The following DLC1 variants were observed in gnomAD, a reference collection of about 807,000 sequenced individuals.
DLC1 encodes DLC1 Rho GTPase activating protein.
DLC1 carries 54 observed loss-of-function variants against 140.3 expected under a neutral mutation model. The ratio of observed to expected loss-of-function variants is 0.38; its 90% CI spans 0.31 to 0.48. The LOEUF (loss-of-function observed/expected upper bound fraction) is 0.48. Among genes scored for constraint, DLC1 ranks in the 20% least tolerant of loss-of-function variants. The pLI, the probability that DLC1 is intolerant of heterozygous loss-of-function variation, is 0.96. For missense variants in DLC1, 2,536 were observed against 1,907.0 expected (o/e 1.33, Z -6.14); for synonymous variants, 986 against 728.1 (o/e 1.35, Z -5.70).
chr8:13,556,707 G>A (rs1321731609), intron 1 of DLC1, among the ~76,000 whole-genome samples: 1 of 152,156 alleles, frequency 6.6e-6, no homozygotes, highest in Non-Finnish European at 1.5e-5. Context: ...AGACCTAGCT[G>A]GTCAATTGCT....
chr8:13,543,318 G>A (rs1373995823), intron 1 of DLC1, among the ~76,000 whole-genome samples: 1 of 152,072 alleles, frequency 6.6e-6, no homozygotes, highest in Non-Finnish European at 1.5e-5. Flanking sequence ...TATTTGTATT[G>A]TCAGTTTCCT....
intron 4 of DLC1, among the ~76,000 whole-genome samples, chr8:13,357,726 C>T (rs986971411): frequency 6.6e-6 from 1 of 152,190 alleles, no homozygotes; most frequent in Non-Finnish European, 1.5e-5. Flanking sequence ...TTGAGAATTA[C>T]AGTAGTTGAG....
intron 5 of DLC1, among the ~76,000 whole-genome samples, chr8:13,245,576 C>A (rs923329004): frequency 6.6e-6 from 1 of 152,192 alleles, no homozygotes; most frequent in African/African-American, 2.4e-5. Flanking sequence ...GCTACCTCCA[C>A]CTGAATCTTT....
chr8:13,289,486 C>T (rs1405483213), intron 5 of DLC1, among the ~76,000 whole-genome samples: 1 of 152,114 alleles, frequency 6.6e-6, no homozygotes, highest in Admixed American at 6.5e-5. Flanking sequence ...GTCACCATGC[C>T]CAGCTAATTG....
At chr8:13,467,365 T>TTCCCC (rs1419749718) in intron 2 of DLC1, among the ~76,000 whole-genome samples, 1 of 152,188 alleles carries the variant, frequency 6.6e-6, no homozygotes, top group Non-Finnish European at 1.5e-5. Context: ...TTTTCTCTTC[T>TTCCCC]TCCCCTCCCC....
At chr8:13,180,175 T>C (rs1825958269) in intron 5 of DLC1, among the ~76,000 whole-genome samples, 1 of 152,212 alleles carries the variant, frequency 6.6e-6, no homozygotes, top group Admixed American at 6.5e-5. Context: ...AGACTTACTG[T>C]CTTTAGTGCA....
chr8:13,395,852 C>CTTCTTCT (rs1554512048), intron 3 of DLC1, among the ~76,000 whole-genome samples: 1 of 146,676 alleles, frequency 6.8e-6, no homozygotes, highest in Non-Finnish European at 1.5e-5. Flanking sequence ...TCTTCTTCTT[C>CTTCTTCT]TTTGTTTTTT....
chr8:13,283,675 T>C (rs1831445309), intron 5 of DLC1, among the ~76,000 whole-genome samples: 1 of 152,124 alleles, frequency 6.6e-6, no homozygotes, highest in African/African-American at 2.4e-5. Context: ...CCACTATGCC[T>C]GGCTTATTTT....
At chr8:13,580,333 G>A (rs1450209462) in intron 1 of DLC1, among the ~76,000 whole-genome samples, 1 of 152,106 alleles carries the variant, frequency 6.6e-6, no homozygotes, top group Non-Finnish European at 1.5e-5. Flanking sequence ...GTGTTAGCCA[G>A]GATGGCCTCG....
chr8:13,128,057 A>C (rs960524703), intron 5 of DLC1, among the ~76,000 whole-genome samples: 20 of 151,938 alleles, frequency 1.3e-4, no homozygotes, highest in African/African-American at 2.2e-4. Flanking sequence ...AAAAAACCCC[A>C]AAAAAACAAC....
chr8:13,152,352 A>C (rs1009364123), intron 5 of DLC1, among the ~76,000 whole-genome samples: 4 of 152,190 alleles, frequency 2.6e-5, no homozygotes, highest in African/African-American at 9.7e-5. Flanking sequence ...TTTTGGATTA[A>C]ACTCTGTAAT....
chr8:13,262,652 C>T (rs1209558037), intron 5 of DLC1, among the ~76,000 whole-genome samples: 2 of 152,146 alleles, frequency 1.3e-5, no homozygotes, highest in Admixed American at 6.5e-5. Flanking sequence ...CCTTGAGCTC[C>T]TGGGCTCAAG....
chr8:13,460,829 G>A (rs548193621), intron 2 of DLC1, among the ~76,000 whole-genome samples: 16 of 152,326 alleles, frequency 1.1e-4, no homozygotes, highest in East Asian at 3.9e-4. Flanking sequence ...TGCTCTGTGC[G>A]TTGATTCTGG....
chr8:13,368,237 C>T (rs953091892), intron 4 of DLC1, among the ~76,000 whole-genome samples: 1 of 152,120 alleles, frequency 6.6e-6, no homozygotes, highest in Admixed American at 6.6e-5. Flanking sequence ...TGATAAAGGG[C>T]CCTCAGACAC....
intron 1 of DLC1, among the ~76,000 whole-genome samples, chr8:13,510,243 C>T (rs990596079): frequency 2.0e-5 from 3 of 148,012 alleles, no homozygotes; most frequent in African/African-American, 7.5e-5. Flanking sequence ...GGCACAATTT[C>T]GGCTCACTGC....
intron 1 of DLC1, among the ~76,000 whole-genome samples, chr8:13,541,945 T>C (rs1328803299): frequency 6.6e-6 from 1 of 152,220 alleles, no homozygotes; most frequent in Non-Finnish European, 1.5e-5. Context: ...AGTGAGTTCT[T>C]ACAACTCACT....
At chr8:13,573,353 A>G (rs1204560864) in intron 1 of DLC1, among the ~76,000 whole-genome samples, 4 of 152,206 alleles carry the variant, frequency 2.6e-5, no homozygotes, top group African/African-American at 4.8e-5. Flanking sequence ...AGCTCTAACG[A>G]TGAAAAGAGA....
intron 1 of DLC1, among the ~76,000 whole-genome samples, chr8:13,599,380 C>T (rs1350741788): frequency 2.0e-5 from 3 of 151,746 alleles, no homozygotes; most frequent in Non-Finnish European, 2.9e-5. Flanking sequence ...CTGTACAAAT[C>T]AATATCTATG....
chr8:13,247,421 C>G (rs1829812412), intron 5 of DLC1, among the ~76,000 whole-genome samples: 1 of 152,202 alleles, frequency 6.6e-6, no homozygotes, highest in South Asian at 2.1e-4. Flanking sequence ...TTATTTAGGA[C>G]TTCCAGTGTG....
Sources: gnomAD v4.1 joint callset for allele counts (sites outside exome capture counted in the v4.1 genomes callset) on GRCh38, gnomAD v4.1.1 for gene constraint, MANE v1.5 for transcripts, NCBI Gene and HGNC (gene_info 2026-07-23, HGNC 2026-07-21) for gene names.